Variants in MTUS2 observed in about 807,000 individuals in gnomAD.
MTUS2 encodes the protein microtubule associated scaffold protein 2.
Under a neutral mutation model 114.1 loss-of-function variants are expected in MTUS2, and 40 were observed. That is an observed-to-expected ratio of 0.35 (90% CI 0.27 to 0.46). The LOEUF (loss-of-function observed/expected upper bound fraction) is 0.46, where lower values mean the gene tolerates loss of function less well. MTUS2 is among the 20% of genes least tolerant of loss of function. The pLI, the probability that MTUS2 is intolerant of heterozygous loss-of-function variation, is 1.00. For synonymous variants in MTUS2, 688 were observed against 672.0 expected (o/e 1.02, Z -0.37); for missense variants, 1,679 against 1,705.4 (o/e 0.98, Z 0.27).
intron 2 of MTUS2, among the ~76,000 whole-genome samples, chr13:29,023,870 G>A (rs1022214520): frequency 1.2e-4 from 18 of 152,170 alleles, no homozygotes; most frequent in Middle Eastern, 3.2e-3. Context: ...TCAGGAGTCC[G>A]TAATGTCAGT....
chr13:29,398,903 G>T (rs573471700), intron 8 of MTUS2, among the ~76,000 whole-genome samples: 1 of 152,250 alleles, frequency 6.6e-6, no homozygotes, highest in East Asian at 1.9e-4. Flanking sequence ...TTTTTACAAA[G>T]AGAAGTATTA....
intron 7 of MTUS2, among the ~76,000 whole-genome samples, chr13:29,358,316 C>A (rs1389066374): frequency 6.6e-6 from 1 of 152,146 alleles, no homozygotes; most frequent in African/African-American, 2.4e-5. Flanking sequence ...TTTGGGGGAC[C>A]TTGCCTTTTC....
intron 8 of MTUS2, among the ~76,000 whole-genome samples, chr13:29,403,273 G>A (rs1162542860): frequency 4.6e-5 from 7 of 152,110 alleles, no homozygotes; most frequent in African/African-American, 1.7e-4. Flanking sequence ...TGTTTCTTCA[G>A]CAGCTCTTAC....
chr13:29,390,638 C>T (rs1425851909), intron 8 of MTUS2, among the ~76,000 whole-genome samples: 3 of 139,840 alleles, frequency 2.1e-5, no homozygotes, highest in Admixed American at 7.3e-5. Context: ...GGTGACAGGG[C>T]GAGACTCCAT....
intron 1 of MTUS2, among the ~76,000 whole-genome samples, chr13:28,826,671 T>C (rs1874291187): frequency 6.6e-6 from 1 of 152,218 alleles, no homozygotes; most frequent in Non-Finnish European, 1.5e-5. Flanking sequence ...ACATAATGCA[T>C]TAGCGTCTAT....
intron 6 of MTUS2, chr13:29,306,868 G>T: frequency 2.0e-6 from 1 of 495,114 alleles, no homozygotes; most frequent in Non-Finnish European, 4.0e-6. Flanking sequence ...AGTAGATATT[G>T]TGGCCATCAG....
chr13:28,847,069 TG>T (rs1875934711), intron 2 of MTUS2, among the ~76,000 whole-genome samples: 1 of 152,108 alleles, frequency 6.6e-6, no homozygotes, highest in Non-Finnish European at 1.5e-5. Flanking sequence ...TAGTTTTAAT[TG>T]GGGGTGATGT....
At chr13:28,994,136 G>A (rs865956760) in intron 2 of MTUS2, among the ~76,000 whole-genome samples, 10 of 152,102 alleles carry the variant, frequency 6.6e-5, no homozygotes, top group African/African-American at 2.2e-4. Context: ...CCACCTATGA[G>A]TGAGAACATG....
At chr13:29,087,624 C>T (rs988916112) in intron 4 of MTUS2, among the ~76,000 whole-genome samples, 1 of 152,104 alleles carries the variant, frequency 6.6e-6, no homozygotes, top group South Asian at 2.1e-4. Flanking sequence ...TTTTCTAATT[C>T]TGTGAAAAAT....
rs549370442 is a variant in MTUS2, at chr13:28,960,847, A to G, written c.-242-63610A>G. On this transcript the variant is annotated intron_variant, in intron 2 of 15. Coordinates refer to ENST00000612955, the MANE Select transcript of MTUS2 (RefSeq NM_001033602.4). Reference sequence around the variant, plus strand: ...CATATACTTCAAAAGGATGAATTCTATGGTGTGTGAATTATATCTCAATAA... The same window carrying G: ...CATATACTTCAAAAGGATGAATTCTGTGGTGTGTGAATTATATCTCAATAA... Among the ~76,000 whole-genome samples, 3 of 152,302 alleles carry G rather than the reference A, an allele frequency of 2.0e-5. No homozygotes were observed. In the South Asian group the frequency reaches 6.2e-4, roughly 32 times the overall value.
chr13:29,308,321 A>G (rs536398935), intron 6 of MTUS2, among the ~76,000 whole-genome samples: 1 of 152,354 alleles, frequency 6.6e-6, no homozygotes, highest in South Asian at 2.1e-4. Flanking sequence ...TTCCCTATTT[A>G]ATAAATGGTG....
chr13:29,181,654 C>G (rs953063168), intron 5 of MTUS2, among the ~76,000 whole-genome samples: 1 of 151,484 alleles, frequency 6.6e-6, no homozygotes, highest in Non-Finnish European at 1.5e-5. Context: ...TACTCGGTTA[C>G]CAGGGTTGTT....
At chr13:29,013,316 G>A (rs540498958) in intron 2 of MTUS2, among the ~76,000 whole-genome samples, 3 of 151,994 alleles carry the variant, frequency 2.0e-5, no homozygotes, top group East Asian at 1.9e-4. Flanking sequence ...TGAAGCAATG[G>A]CAGAGAATTT....
At chr13:29,433,604 A>G (rs916818963) in intron 8 of MTUS2, among the ~76,000 whole-genome samples, 2 of 152,228 alleles carry the variant, frequency 1.3e-5, no homozygotes, top group African/African-American at 2.4e-5. Context: ...GATCTGGCCA[A>G]TCTTCATAGT....
At chr13:29,049,066 A>C (rs1393563189) in intron 4 of MTUS2, among the ~76,000 whole-genome samples, 1 of 152,216 alleles carries the variant, frequency 6.6e-6, no homozygotes, top group African/African-American at 2.4e-5. Flanking sequence ...TAAGAAAAAG[A>C]GTGTTGACCC....
intron 9 of MTUS2, among the ~76,000 whole-genome samples, chr13:29,449,615 A>C (rs192187634): frequency 6.6e-6 from 1 of 152,288 alleles, no homozygotes; most frequent in African/African-American, 2.4e-5. Flanking sequence ...AATTCTTCCC[A>C]CATACAGTAT....
intron 7 of MTUS2, among the ~76,000 whole-genome samples, chr13:29,357,546 CTG>C (rs1422482524): frequency 6.6e-6 from 1 of 152,136 alleles, no homozygotes; most frequent in Non-Finnish European, 1.5e-5. Context: ...TGGTCTTAGG[CTG>C]TGTCTTAGAG....
chr13:29,491,749 G>T (rs536599637), intron 11 of MTUS2, among the ~76,000 whole-genome samples: 1 of 148,682 alleles, frequency 6.7e-6, no homozygotes, highest in South Asian at 2.2e-4. Context: ...TGGGGTGTGT[G>T]TGTGCGTGTG....
intron 2 of MTUS2, among the ~76,000 whole-genome samples, chr13:28,912,878 T>C (rs1211771723): frequency 6.6e-6 from 1 of 152,094 alleles, no homozygotes; most frequent in Non-Finnish European, 1.5e-5. Flanking sequence ...AAAAAAATTT[T>C]GTTATTATTA....
Sources: allele counts gnomAD v4.1 joint callset (sites outside exome capture counted in the v4.1 genomes callset), GRCh38; gene constraint gnomAD v4.1.1; transcripts MANE v1.5; gene names NCBI Gene and HGNC (gene_info 2026-07-23, HGNC 2026-07-21).